Variants in GAREM1 observed in about 807,000 individuals in gnomAD.
GAREM1 encodes GRB2-associated and regulator of MAPK protein 1.
In GAREM1, 26 loss-of-function variants were observed where a neutral mutation model predicts 71.3. The observed-to-expected ratio is 0.36, with a 90% CI of 0.27 to 0.51. The LOEUF (loss-of-function observed/expected upper bound fraction) is 0.51, where lower values mean the gene tolerates loss of function less well. Among genes scored for constraint, GAREM1 ranks in the 20% least tolerant of loss-of-function variants. GAREM1 has a pLI of 0.95. For synonymous variants in GAREM1, 440 were observed against 433.2 expected, an observed-to-expected ratio of 1.02 and a Z score of -0.20; for missense variants, 1,026 against 1,103.1, an observed-to-expected ratio of 0.93 and a Z score of 0.99.
At chr18:32,384,668 T>G (rs1370626495) in intron 2 of GAREM1, among the ~76,000 whole-genome samples, 1 of 152,186 alleles carries the variant, frequency 6.6e-6, no homozygotes, top group Non-Finnish European at 1.5e-5. Context: ...CCTCATACTA[T>G]AATACATTGA....
intron 1 of GAREM1, chr18:32,412,070 A>C (rs1305271321): frequency 2.8e-6 from 2 of 706,592 alleles, no homozygotes; most frequent in Non-Finnish European, 2.5e-6. Context: ...GCCCATACAC[A>C]TGAGTATTTG....
intron 2 of GAREM1, among the ~76,000 whole-genome samples, chr18:32,321,066 C>T (rs1348190374): frequency 1.3e-5 from 2 of 152,138 alleles, no homozygotes; most frequent in Non-Finnish European, 2.9e-5. Context: ...TCCATCTCTG[C>T]CCTTCCATTA....
chr18:32,389,778 C>T (rs1416136509), intron 2 of GAREM1, among the ~76,000 whole-genome samples: 1 of 152,058 alleles, frequency 6.6e-6, no homozygotes, highest in Non-Finnish European at 1.5e-5. Context: ...AGGGCTAAAC[C>T]TGGCAATAAA....
At chr18:32,378,021 T>C (rs1486574028) in intron 2 of GAREM1, among the ~76,000 whole-genome samples, 1 of 144,078 alleles carries the variant, frequency 6.9e-6, no homozygotes, top group Non-Finnish European at 1.5e-5. Flanking sequence ...ACTGTGTGTG[T>C]GTGTGTGTGT....
At chr18:32,274,898 C>T (rs970314672) in intron 4 of GAREM1, among the ~76,000 whole-genome samples, 10 of 151,528 alleles carry the variant, frequency 6.6e-5, no homozygotes, top group Non-Finnish European at 1.5e-4. Flanking sequence ...ATTTGTCACT[C>T]CTGGCATGAA....
At chr18:32,379,709 A>C (rs1278031349) in intron 2 of GAREM1, among the ~76,000 whole-genome samples, 1 of 151,948 alleles carries the variant, frequency 6.6e-6, no homozygotes, top group Non-Finnish European at 1.5e-5. Context: ...GGTCTTTAAA[A>C]AAAAAAAAAA....
intron 1 of GAREM1, among the ~76,000 whole-genome samples, chr18:32,407,485 T>C (rs541622983): frequency 6.6e-6 from 1 of 152,266 alleles, no homozygotes; most frequent in East Asian, 1.9e-4. Context: ...GGATTTTCTG[T>C]ATACAAATTC....
At chr18:32,427,517 G>A (rs2048586792) in intron 1 of GAREM1, among the ~76,000 whole-genome samples, 1 of 152,178 alleles carries the variant, frequency 6.6e-6, no homozygotes. Flanking sequence ...TGAGGGAGCT[G>A]AGGTCTGGTG....
In GAREM1 at chr18:32,268,370, A is replaced by T. The variant is rs1598915721; in HGVS notation, c.2132T>A (p.Leu711His). ...YSLESTDVKS[L>H]AAGVTKQSTS... Reference sequence around the variant, plus strand: ...ACTCTGCTTTGTCACACCAGCTGCAAGAGATTTCACATCTGTGCTCTCCAG... The same window carrying T: ...ACTCTGCTTTGTCACACCAGCTGCATGAGATTTCACATCTGTGCTCTCCAG... The change falls in exon 6 of 6, where the codon CTT becomes CAT. Residue 711 changes from leucine to histidine, a missense_variant. Around this residue, in one of 3 missense-constraint regions of GAREM1, gnomAD observed 636 missense variants for 631.2 expected, o/e 1.01. Transcript: ENST00000269209. 1.2e-6 allele frequency: 2 copies of T among 1,614,170 alleles called. No individual in the cohort carries two copies. The highest frequency in any genetic ancestry group is 1.7e-6 in the Non-Finnish European group (2 of 1,180,010).
At chr18:32,369,494 G>C (rs2047956709) in intron 2 of GAREM1, among the ~76,000 whole-genome samples, 1 of 152,044 alleles carries the variant, frequency 6.6e-6, no homozygotes, top group South Asian at 2.1e-4. Context: ...GGTGGAGGGA[G>C]GGATTTATAA....
intron 1 of GAREM1, among the ~76,000 whole-genome samples, chr18:32,428,946 TATC>T (rs1476720739): frequency 9.9e-5 from 15 of 151,510 alleles, no homozygotes; most frequent in African/African-American, 3.7e-4. Context: ...TTTTTTTTTG[TATC>T]ATCTGCAAAG....
chr18:32,280,310 G>T (rs1271495639), intron 4 of GAREM1, among the ~76,000 whole-genome samples: 2 of 152,084 alleles, frequency 1.3e-5, no homozygotes, highest in East Asian at 3.9e-4. Context: ...TCTTAACTTG[G>T]GCAGTCACGT....
At chr18:32,413,163 T>G in intron 1 of GAREM1, 1 of 1,591,718 alleles carries the variant, frequency 6.3e-7, no homozygotes, top group Non-Finnish European at 8.6e-7. Context: ...TTTAGGAGAC[T>G]CTGACTTAGA....
At chr18:32,357,204 C>T (rs1251826091) in intron 2 of GAREM1, among the ~76,000 whole-genome samples, 1 of 152,192 alleles carries the variant, frequency 6.6e-6, no homozygotes, top group African/African-American at 2.4e-5. Flanking sequence ...TGGCCAGGCA[C>T]AGCGGTTCAT....
At chr18:32,465,602 C>G (rs2048991749) in intron 1 of GAREM1, among the ~76,000 whole-genome samples, 1 of 152,186 alleles carries the variant, frequency 6.6e-6, no homozygotes, top group Non-Finnish European at 1.5e-5. Context: ...CCTTTCCATG[C>G]AGCCTTGGTC....
chr18:32,365,656 G>A (rs2047923001), intron 2 of GAREM1, among the ~76,000 whole-genome samples: 1 of 152,250 alleles, frequency 6.6e-6, no homozygotes, highest in Admixed American at 6.5e-5. Flanking sequence ...CCCCACCCTA[G>A]TCTCATTTTA....
chr18:32,345,438 C>T lies in GAREM1; in HGVS notation c.263-35115G>A, dbSNP rs146977061. On this transcript the variant is annotated intron_variant, in intron 2 of 5. Coordinates refer to ENST00000269209, the MANE Select transcript of GAREM1 (RefSeq NM_001242409.2). ...AGAAACATCATTCAATGATAAACTA[C>T]GAGAACAAAACCTTATGATATAAAT... Among the ~76,000 whole-genome samples the T allele has an allele frequency of 3.0e-3, 453 of 152,162 alleles. 1 individual carries two copies. Among genetic ancestry groups the T allele is most frequent in the Non-Finnish European group, 4.9e-3 (333 of 68,010 alleles).
chr18:32,403,129 A>G (rs2048332639), intron 1 of GAREM1, among the ~76,000 whole-genome samples: 1 of 152,120 alleles, frequency 6.6e-6, no homozygotes, highest in African/African-American at 2.4e-5. Flanking sequence ...GCTGGTCTCA[A>G]ACTCATGGCC....
intron 1 of GAREM1, among the ~76,000 whole-genome samples, chr18:32,400,519 G>A (rs1016072155): frequency 5.9e-5 from 9 of 152,194 alleles, no homozygotes; most frequent in South Asian, 4.1e-4. Context: ...TGAAGGATAT[G>A]AACAGACATT....
Sources: allele counts gnomAD v4.1 joint callset (sites outside exome capture counted in the v4.1 genomes callset), GRCh38; gene constraint gnomAD v4.1.1; regional missense constraint gnomAD v4.1.1; transcripts MANE v1.5; gene names NCBI Gene and HGNC (gene_info 2026-07-23, HGNC 2026-07-21).